CPQ: variants seen among roughly 807,000 people sequenced by gnomAD.
The protein encoded by CPQ is Ser-Met dipeptidase.
CPQ carries 37 observed loss-of-function variants against 45.7 expected under a neutral mutation model. The observed-to-expected ratio is 0.81, with a 90% confidence interval of 0.62 to 1.07. The LOEUF (loss-of-function observed/expected upper bound fraction) is 1.07. Ranked by LOEUF, CPQ falls within the 50% of genes least tolerant of loss-of-function variation. The probability of loss-of-function intolerance (pLI) is 0.00; values close to 1 mark genes in which losing one functional copy is unlikely to be tolerated. For missense variants in CPQ, 537 were observed against 572.9 expected (o/e 0.94, Z 0.64); for synonymous variants, 186 against 205.8 (o/e 0.90, Z 0.82).
intron 5 of CPQ, among the ~76,000 whole-genome samples, chr8:97,002,708 G>A (rs1267738173): frequency 4.6e-5 from 7 of 152,298 alleles, no homozygotes; most frequent in South Asian, 4.1e-4. Flanking sequence ...GCCATGTGGC[G>A]ATGAGAAGAA....
At chr8:96,772,179 T>C (rs1322166686) in intron 1 of CPQ, among the ~76,000 whole-genome samples, 3 of 151,972 alleles carry the variant, frequency 2.0e-5, no homozygotes, top group African/African-American at 7.3e-5. Context: ...GTTAGGAGAT[T>C]ATTGTGGTAG....
At chr8:96,741,268 G>A (rs549708534) in intron 1 of CPQ, among the ~76,000 whole-genome samples, 2 of 152,310 alleles carry the variant, frequency 1.3e-5, no homozygotes, top group South Asian at 2.1e-4. Context: ...GCATAGAGGT[G>A]TTTGTAGTAT....
At chr8:97,129,174 T>C (rs1208852121) in intron 7 of CPQ, among the ~76,000 whole-genome samples, 1 of 152,066 alleles carries the variant, frequency 6.6e-6, no homozygotes, top group East Asian at 1.9e-4. Context: ...ATATGAGAAG[T>C]TCCCTGGAAA....
At chr8:97,135,737 G>C (rs1812045047) in intron 7 of CPQ, among the ~76,000 whole-genome samples, 2 of 152,090 alleles carry the variant, frequency 1.3e-5, no homozygotes, top group South Asian at 4.1e-4. Flanking sequence ...GTTTATAAAA[G>C]GAGAAATGGA....
intron 1 of CPQ, among the ~76,000 whole-genome samples, chr8:96,717,137 G>C (rs527297657): frequency 6.9e-6 from 1 of 144,338 alleles, no homozygotes; most frequent in African/African-American, 2.6e-5. Context: ...ATTAATGGGC[G>C]TTGGGGCTGT....
intron 4 of CPQ, among the ~76,000 whole-genome samples, chr8:96,910,156 C>T (rs1292526758): frequency 3.3e-5 from 5 of 152,036 alleles, no homozygotes; most frequent in East Asian, 1.9e-4. Context: ...ATTGTGTGGC[C>T]GGTCTGTGGG....
At chr8:97,036,580 T>C (rs1280569776) in intron 6 of CPQ, among the ~76,000 whole-genome samples, 9 of 152,200 alleles carry the variant, frequency 5.9e-5, no homozygotes, top group Non-Finnish European at 1.2e-4. Context: ...CCTAATCTGC[T>C]TTTCATGGGA....
intron 1 of CPQ, among the ~76,000 whole-genome samples, chr8:96,705,006 G>A (rs1809514369): frequency 1.3e-5 from 2 of 152,258 alleles, no homozygotes; most frequent in East Asian, 1.9e-4. Context: ...ATTGTCTAGG[G>A]GGAGAGTGTA....
At chr8:96,944,394 C>T (rs964060516) in intron 4 of CPQ, among the ~76,000 whole-genome samples, 5 of 152,092 alleles carry the variant, frequency 3.3e-5, no homozygotes, top group African/African-American at 7.2e-5. Context: ...CTGCTTCTGT[C>T]GTCTCGTTAG....
At chr8:97,028,561 G>A (rs1809839600) in intron 5 of CPQ, among the ~76,000 whole-genome samples, 2 of 152,306 alleles carry the variant, frequency 1.3e-5, no homozygotes, top group South Asian at 4.1e-4. Flanking sequence ...GTCTGAGTCA[G>A]AACAGATATT....
chr8:96,833,808 G>A lies in CPQ; in HGVS notation c.434-1165G>A, dbSNP rs150043251. Among the ~76,000 whole-genome samples the A allele has an allele frequency of 5.1e-3, 783 of 152,238 alleles. 4 individuals are homozygous for A. Among genetic ancestry groups the A allele is most frequent in the Non-Finnish European group, 8.4e-3 (574 of 68,018 alleles). On this transcript the variant is annotated intron_variant, in intron 2 of 7. Coordinates refer to ENST00000220763, the MANE Select transcript of CPQ (RefSeq NM_016134.4). Reference sequence around the variant, plus strand: ...TTCAGTCTGGATCATGGTACCAGGGGTAGCCAGCCCAAAGGGCCCATTATG... The same window carrying A: ...TTCAGTCTGGATCATGGTACCAGGGATAGCCAGCCCAAAGGGCCCATTATG...
intron 3 of CPQ, among the ~76,000 whole-genome samples, chr8:96,878,769 T>C (rs766945877): frequency 1.1e-4 from 16 of 152,094 alleles, no homozygotes; most frequent in Non-Finnish European, 1.5e-4. Flanking sequence ...TGGAGAGAAA[T>C]GTGTTGTGGG....
At chr8:96,965,127 A>G (rs1475710021) in intron 4 of CPQ, among the ~76,000 whole-genome samples, 1 of 152,112 alleles carries the variant, frequency 6.6e-6, no homozygotes. Flanking sequence ...AATTGGATCT[A>G]GTTTTGAAAT....
intron 1 of CPQ, among the ~76,000 whole-genome samples, chr8:96,666,092 C>A (rs912124338): frequency 3.3e-4 from 50 of 151,254 alleles, no homozygotes; most frequent in African/African-American, 1.2e-3. Flanking sequence ...TGAGTCAAAG[C>A]AAGTAGGCTT....
intron 1 of CPQ, among the ~76,000 whole-genome samples, chr8:96,729,337 T>C (rs1300112494): frequency 6.6e-6 from 1 of 152,178 alleles, no homozygotes; most frequent in Non-Finnish European, 1.5e-5. Context: ...TGTGAGGGCC[T>C]AGGATTGTAG....
At chr8:96,699,886 AAAG>A (rs1809433058) in intron 1 of CPQ, among the ~76,000 whole-genome samples, 2 of 151,824 alleles carry the variant, frequency 1.3e-5, no homozygotes, top group South Asian at 4.2e-4. Context: ...CCAATTGATA[AAAG>A]AAGATGTGGG....
At chr8:96,663,182 A>G (rs946107006) in intron 1 of CPQ, among the ~76,000 whole-genome samples, 4 of 152,196 alleles carry the variant, frequency 2.6e-5, no homozygotes, top group South Asian at 2.1e-4. Context: ...GTGGAAATTT[A>G]CAAGGCTCAG....
chr8:97,127,820 A>C (rs1297557621), intron 7 of CPQ, among the ~76,000 whole-genome samples: 1 of 152,264 alleles, frequency 6.6e-6, no homozygotes, highest in Non-Finnish European at 1.5e-5. Context: ...TATGCTGAGC[A>C]AAAGAAGCCA....
chr8:97,018,886 T>G (rs112368572), intron 5 of CPQ, among the ~76,000 whole-genome samples: 1 of 152,116 alleles, frequency 6.6e-6, no homozygotes, highest in Non-Finnish European at 1.5e-5. Context: ...CAAAGAACAC[T>G]GGGAAATTCA....
Sources: allele counts gnomAD v4.1 joint callset (sites outside exome capture counted in the v4.1 genomes callset), GRCh38; gene constraint gnomAD v4.1.1; transcripts MANE v1.5; gene names NCBI Gene and HGNC (gene_info 2026-07-23, HGNC 2026-07-21).